Variants in CDH2 observed in about 807,000 individuals in gnomAD.
The protein encoded by CDH2 is cadherin 2, also known as cadherin-2.
Under a neutral mutation model 92.0 loss-of-function variants are expected in CDH2, and 17 were observed. The ratio of observed to expected loss-of-function variants is 0.18; its 90% CI spans 0.13 to 0.28. CDH2 has a LOEUF of 0.28. Among genes scored for constraint, CDH2 ranks in the 10% least tolerant of loss-of-function variants. The pLI is 1.00. For missense variants in CDH2, 862 were observed against 1,133.1 expected (o/e 0.76, Z 3.44); for synonymous variants, 419 against 415.9 (o/e 1.01, Z -0.09).
rs930116966 is a variant in CDH2 at position 27,939,518 on chromosome 18, C to A, written c.1152-6394G>T. ...AAGTGAGTGTAAAATGGCCTGATGT[C>A]GAACTTTCCCATGCTGTTATTTAGG... On this transcript the variant is annotated intron_variant, in intron 6 of 6. Coordinates refer to the CDH2 transcript ENST00000675173. 2.0e-5 allele frequency among the ~76,000 whole-genome samples: 3 copies of A among 152,200 alleles called. No homozygotes were observed. The South Asian group carries it at 6.2e-4, about 32-fold the overall frequency.
chr18:28,011,008 C>G (rs1398617408), intron 4 of CDH2, among the ~76,000 whole-genome samples: 2 of 150,612 alleles, frequency 1.3e-5, no homozygotes, highest in African/African-American at 4.9e-5. Context: ...GAAAAAGAGA[C>G]AGTATCTTAA....
At chr18:28,129,853 A>G (rs912027727) in intron 2 of CDH2, among the ~76,000 whole-genome samples, 1 of 152,192 alleles carries the variant, frequency 6.6e-6, no homozygotes, top group Non-Finnish European at 1.5e-5. Context: ...TCTACTGTCT[A>G]TGTCCCAGTA....
intron 2 of CDH2, among the ~76,000 whole-genome samples, chr18:28,056,988 C>G (rs987834865): frequency 6.6e-6 from 1 of 152,134 alleles, no homozygotes; most frequent in Non-Finnish European, 1.5e-5. Flanking sequence ...TATTGTATGA[C>G]ACAGAAATAA....
chr18:27,969,708 G>C (rs183733335), intron 14 of CDH2, among the ~76,000 whole-genome samples: 1 of 152,302 alleles, frequency 6.6e-6, no homozygotes, highest in African/African-American at 2.4e-5. Context: ...AATAATGAAA[G>C]TTTGGCCAGG....
intron 14 of CDH2, among the ~76,000 whole-genome samples, chr18:27,972,240 C>T (rs1411089341): frequency 6.6e-6 from 1 of 152,150 alleles, no homozygotes; most frequent in African/African-American, 2.4e-5. Context: ...TCCAATTCTG[C>T]AAGCTTAATC....
chr18:27,979,414 T>C (rs17445777), intron 14 of CDH2, among the ~76,000 whole-genome samples: 27 of 152,302 alleles, frequency 1.8e-4, no homozygotes, highest in Non-Finnish European at 3.5e-4. Context: ...ATGATCACTT[T>C]GGAAAACGTA....
chr18:28,114,127 C>G (rs1186224174), intron 2 of CDH2, among the ~76,000 whole-genome samples: 2 of 152,008 alleles, frequency 1.3e-5, no homozygotes, highest in African/African-American at 4.8e-5. Context: ...GGAATAAATT[C>G]TAGTGTTCTA....
intron 2 of CDH2, among the ~76,000 whole-genome samples, chr18:28,064,769 A>G (rs936179406): frequency 6.6e-6 from 1 of 152,124 alleles, no homozygotes; most frequent in African/African-American, 2.4e-5. Flanking sequence ...TGGAGCCTTG[A>G]GAGAATCAGG....
At chr18:28,032,734 G>A (rs1567972498) in intron 2 of CDH2, among the ~76,000 whole-genome samples, 1 of 152,186 alleles carries the variant, frequency 6.6e-6, no homozygotes, top group East Asian at 1.9e-4. Flanking sequence ...CAGAGTGTAA[G>A]TTTCCTGGTC....
At chr18:28,074,488 C>T (rs1168349421) in intron 2 of CDH2, among the ~76,000 whole-genome samples, 1 of 152,024 alleles carries the variant, frequency 6.6e-6, no homozygotes, top group Admixed American at 6.6e-5. Flanking sequence ...TCAAGTGATC[C>T]ACCCGCATCA....
chr18:28,112,776 C>T (rs1448379737), intron 2 of CDH2, among the ~76,000 whole-genome samples: 1 of 152,064 alleles, frequency 6.6e-6, no homozygotes, highest in Admixed American at 6.6e-5. Flanking sequence ...TTACCTACTT[C>T]AAAGTGGAGA....
At chr18:28,023,614 C>G (rs977244370) in intron 2 of CDH2, among the ~76,000 whole-genome samples, 1 of 152,096 alleles carries the variant, frequency 6.6e-6, no homozygotes, top group Admixed American at 6.6e-5. Context: ...CCAACTGCAC[C>G]TGGCCAATAT....
chr18:28,054,615 T>C (rs1364741728), intron 2 of CDH2, among the ~76,000 whole-genome samples: 1 of 152,146 alleles, frequency 6.6e-6, no homozygotes. Flanking sequence ...TTAGAAAGGA[T>C]ATTGTCCACT....
chr18:28,049,086 A>G (rs2014138443), intron 2 of CDH2, among the ~76,000 whole-genome samples: 1 of 152,054 alleles, frequency 6.6e-6, no homozygotes, highest in African/African-American at 2.4e-5. Context: ...CAGTGATTTT[A>G]TTTTTTAAAG....
At chr18:28,103,747 C>T (rs950355412) in intron 2 of CDH2, among the ~76,000 whole-genome samples, 4 of 151,830 alleles carry the variant, frequency 2.6e-5, no homozygotes, top group East Asian at 1.9e-4. Flanking sequence ...TGAGAACATG[C>T]GGTAGCTAGT....
chr18:28,047,709 A>G (rs2144119797), intron 2 of CDH2, among the ~76,000 whole-genome samples: 1 of 151,946 alleles, frequency 6.6e-6, no homozygotes, highest in East Asian at 1.9e-4. Context: ...TCTACTAAAC[A>G]TAAAAAAAAA....
chr18:28,140,970 G>A (rs1032939798), intron 2 of CDH2, among the ~76,000 whole-genome samples: 16 of 150,704 alleles, frequency 1.1e-4, no homozygotes, highest in African/African-American at 3.9e-4. Flanking sequence ...AAACCACAAT[G>A]AGGTACCATT....
chr18:28,157,554 C>T (rs2016239260), intron 1 of CDH2, among the ~76,000 whole-genome samples: 1 of 152,146 alleles, frequency 6.6e-6, no homozygotes, highest in East Asian at 1.9e-4. Context: ...ATCAAAAGGC[C>T]TTGGGGATTA....
At chr18:27,948,365 G>C (rs1909328659), downstream of CDH2, among the ~76,000 whole-genome samples, 1 of 151,900 alleles carries the variant, frequency 6.6e-6, no homozygotes, top group Admixed American at 6.6e-5. Context: ...TAGAAAGTTA[G>C]ATTTCTGCAT....
Sources: gnomAD v4.1 joint callset for allele counts (sites outside exome capture counted in the v4.1 genomes callset) on GRCh38, gnomAD v4.1.1 for gene constraint, MANE v1.5 for transcripts, NCBI Gene and HGNC (gene_info 2026-07-23, HGNC 2026-07-21) for gene names.